MBOAT1: variants seen among roughly 807,000 people sequenced by gnomAD.
MBOAT1 encodes membrane-bound glycerophospholipid O-acyltransferase 1.
MBOAT1 carries 67 observed loss-of-function variants against 64.4 expected under a neutral mutation model. The observed-to-expected ratio is 1.04, with a 90% CI of 0.85 to 1.27. MBOAT1 has a LOEUF of 1.27. Ranked by LOEUF, MBOAT1 falls within the 50% of genes most tolerant of loss-of-function variation. The pLI, the probability that MBOAT1 is intolerant of heterozygous loss-of-function variation, is 0.00. For synonymous variants in MBOAT1, 229 were observed against 218.9 expected, an observed-to-expected ratio of 1.05 and a Z score of -0.41; for missense variants, 563 against 604.6, an observed-to-expected ratio of 0.93 and a Z score of 0.72.
At chr6:20,208,883 T>C (rs1018912107) in intron 1 of MBOAT1, among the ~76,000 whole-genome samples, 2 of 152,190 alleles carry the variant, frequency 1.3e-5, no homozygotes, top group African/African-American at 4.8e-5. Flanking sequence ...TCACAGCTCC[T>C]AGGACATAAT....
At chr6:20,207,292 G>A (rs780889432) in intron 1 of MBOAT1, among the ~76,000 whole-genome samples, 25 of 152,208 alleles carry the variant, frequency 1.6e-4, no homozygotes, top group South Asian at 4.1e-4. Context: ...TTCACAAAAT[G>A]AAAATCTTTT....
At chr6:20,120,523 G>T (rs1760465058) in intron 8 of MBOAT1, among the ~76,000 whole-genome samples, 1 of 152,042 alleles carries the variant, frequency 6.6e-6, no homozygotes, top group African/African-American at 2.4e-5. Context: ...ACAAAAATTA[G>T]CCAGGTGTGG....
chr6:20,134,902 C>CTT (rs3057688), intron 4 of MBOAT1, among the ~76,000 whole-genome samples: 403 of 104,740 alleles, frequency 3.8e-3, no homozygotes, highest in African/African-American at 0.014. Context: ...AATTCATGTT[C>CTT]TTTTTTTTTT....
intron 12 of MBOAT1, among the ~76,000 whole-genome samples, chr6:20,107,793 G>C (rs1352432700): frequency 7.1e-6 from 1 of 141,804 alleles, no homozygotes; most frequent in Non-Finnish European, 1.5e-5. Context: ...GGGCTTACAG[G>C]AAAAAAAAAA....
intron 1 of MBOAT1, among the ~76,000 whole-genome samples, chr6:20,183,690 C>T (rs72826612): frequency 0.048 from 7,349 of 152,326 alleles, 228 homozygotes; most frequent in Non-Finnish European, 0.074. Flanking sequence ...TGTGACTGCA[C>T]AAAAGTATTG....
chr6:20,120,824 T>G (rs75937973), intron 8 of MBOAT1, among the ~76,000 whole-genome samples: 10 of 152,250 alleles, frequency 6.6e-5, no homozygotes, highest in African/African-American at 2.4e-4. Context: ...TGAGCCGATA[T>G]CGGAATCCCC....
intron 3 of MBOAT1, among the ~76,000 whole-genome samples, chr6:20,149,100 CAAAA>C (rs60045654): frequency 0.091 from 8,364 of 91,770 alleles, 782 homozygotes; most frequent in African/African-American, 0.25. Flanking sequence ...GACTCTGTCT[CAAAA>C]AAAAAAAAAA....
intron 1 of MBOAT1, among the ~76,000 whole-genome samples, chr6:20,165,136 C>T (rs747330490): frequency 6.6e-6 from 1 of 152,088 alleles, no homozygotes; most frequent in African/African-American, 2.4e-5. Context: ...AGATTTAAAT[C>T]AGGCATAAAA....
intron 1 of MBOAT1, among the ~76,000 whole-genome samples, chr6:20,184,880 AGTGTGTGTGT>A (rs58865791): frequency 4.2e-5 from 6 of 142,862 alleles, no homozygotes; most frequent in South Asian, 2.3e-4. Flanking sequence ...TTATAACTGC[AGTGTGTGTGT>A]GTGTGTGTGT....
chr6:20,159,476 C>T (rs1006293582), intron 1 of MBOAT1, among the ~76,000 whole-genome samples: 2 of 152,028 alleles, frequency 1.3e-5, no homozygotes, highest in Admixed American at 6.6e-5. Context: ...CTGTCATTTG[C>T]GACAACATGA....
intron 11 of MBOAT1, among the ~76,000 whole-genome samples, chr6:20,111,893 T>TATATACATATATATACA (rs1491191628): frequency 7.8e-5 from 11 of 140,648 alleles, no homozygotes; most frequent in African/African-American, 1.7e-4. Context: ...TATATATATA[T>TATATACATATATATACA]TCCAGCACAC....
intron 4 of MBOAT1, among the ~76,000 whole-genome samples, chr6:20,143,404 G>C (rs1761237226): frequency 6.6e-6 from 1 of 152,204 alleles, no homozygotes; most frequent in South Asian, 2.1e-4. Context: ...AGGAGGCCTG[G>C]GGGCCGGGGC....
chr6:20,183,588 TTGGTA>T (rs1411442961), intron 1 of MBOAT1, among the ~76,000 whole-genome samples: 51 of 104,268 alleles, frequency 4.9e-4, no homozygotes, highest in African/African-American at 1.5e-3. Flanking sequence ...TTCCGTCTGG[TTGGTA>T]TCCATCTCTC....
At chr6:20,120,002 T>TGC (rs1188431499) in intron 8 of MBOAT1, among the ~76,000 whole-genome samples, 10 of 73,976 alleles carry the variant, frequency 1.4e-4, no homozygotes, top group South Asian at 4.6e-4. Context: ...TGTGTGTGTG[T>TGC]GTGCGTGTGT....
In MBOAT1 at chr6:20,144,911, T is replaced by G. The variant is rs550963049; in HGVS notation, c.324-596A>C. Reference sequence around the variant, plus strand: ...GCTTGGGACCCTGCCCTTCCATGCCTCAGGTTTCAATTACCACTTACTCAT... The same window carrying G: ...GCTTGGGACCCTGCCCTTCCATGCCGCAGGTTTCAATTACCACTTACTCAT... On this transcript the variant is annotated intron_variant, in intron 3 of 12. Transcript: ENST00000324607. Among the ~76,000 whole-genome samples, 5 of 152,246 alleles carry G rather than the reference T, an allele frequency of 3.3e-5. No individual in the cohort carries two copies. In the South Asian group the frequency reaches 8.3e-4, roughly 25 times the overall value.
intron 9 of MBOAT1, among the ~76,000 whole-genome samples, chr6:20,117,152 T>C (rs538995755): frequency 6.6e-6 from 1 of 152,308 alleles, no homozygotes; most frequent in East Asian, 1.9e-4. Context: ...AGTAAAAACA[T>C]TATTTGTTCA....
In MBOAT1 at chr6:20,148,934, C is replaced by T. The variant is rs1252701998; in HGVS notation, c.323+2251G>A. Among the ~76,000 whole-genome samples the T allele has an allele frequency of 7.2e-5, 11 of 151,776 alleles. No homozygotes were observed. In the East Asian group the frequency reaches 7.7e-4, roughly 11 times the overall value. ...TGGCCAACATAGTGAAACCCCGTCT[C>T]GACTAAAAATACAAAAATTAGCCAG... is the stretch of plus-strand genomic sequence containing the variant. On this transcript the variant is annotated intron_variant, in intron 3 of 12. Transcript: ENST00000324607.
rs188527701 is a variant in MBOAT1, at chr6:20,166,939, G to A, written c.100-14170C>T. 3.6e-4 allele frequency among the ~76,000 whole-genome samples: 54 copies of A among 151,130 alleles called. No individual in the cohort carries two copies. In the East Asian group the frequency reaches 3.7e-3, roughly 10 times the overall value. On this transcript the variant is annotated intron_variant, in intron 1 of 12. Coordinates refer to ENST00000324607, the MANE Select transcript of MBOAT1 (RefSeq NM_001080480.3). Reference sequence around the variant, plus strand: ...GGGTGACAGAGTGAGACCCTGTCACGAATGAATGAAAGAAAAGAAAAAAAG... The same window carrying A: ...GGGTGACAGAGTGAGACCCTGTCACAAATGAATGAAAGAAAAGAAAAAAAG...
At chr6:20,187,065 C>CCGAT (rs1485941996) in intron 1 of MBOAT1, among the ~76,000 whole-genome samples, 1 of 152,164 alleles carries the variant, frequency 6.6e-6, no homozygotes, top group Non-Finnish European at 1.5e-5. Context: ...CTTGCTCGTT[C>CCGAT]CGATATTAAA....
Sources: allele counts gnomAD v4.1 joint callset (sites outside exome capture counted in the v4.1 genomes callset), GRCh38; gene constraint gnomAD v4.1.1; transcripts MANE v1.5; gene names NCBI Gene and HGNC (gene_info 2026-07-23, HGNC 2026-07-21).